Variants in NCAPD3 observed in about 807,000 individuals in gnomAD.
NCAPD3 encodes condensin-2 complex subunit D3.
A neutral mutation model predicts 182.9 loss-of-function variants in NCAPD3; 105 were observed. The ratio of observed to expected loss-of-function variants is 0.57; its 90% CI spans 0.49 to 0.68. NCAPD3 has a LOEUF of 0.68. Ranked by LOEUF, NCAPD3 falls within the 30% of genes least tolerant of loss-of-function variation. The pLI is 0.00. For missense variants in NCAPD3, 1,944 were observed against 1,837.0 expected (o/e 1.06, Z -1.07); for synonymous variants, 815 against 679.9 (o/e 1.20, Z -3.09).
At chr11:134,159,770 G>T in intron 29 of NCAPD3, 122 bp downstream of exon 29, 1 of 1,061,694 alleles carries the variant, frequency 9.4e-7, no homozygotes, top group Non-Finnish European at 1.3e-6. Flanking sequence ...CAGCACTCTC[G>T]AGGCCTTCGG....
intron 7 of NCAPD3, 48 bp from the exon 8 acceptor site, chr11:134,206,780 G>C: frequency 6.3e-7 from 1 of 1,578,606 alleles, no homozygotes; most frequent in Non-Finnish European, 8.6e-7. Context: ...GAGAACACAA[G>C]GGTCTCAGAC....
At chr11:134,200,142 C>T (rs887755360) in intron 13 of NCAPD3, among the ~76,000 whole-genome samples, 1 of 152,056 alleles carries the variant, frequency 6.6e-6, no homozygotes, top group African/African-American at 2.4e-5. Flanking sequence ...AACTATAAAA[C>T]CCTTAGAAGA....
At chr11:134,217,755 A>T (rs544478597) in intron 2 of NCAPD3, among the ~76,000 whole-genome samples, 1 of 152,328 alleles carries the variant, frequency 6.6e-6, no homozygotes, top group South Asian at 2.1e-4. Context: ...AGGCCCACAA[A>T]ATTCAAGTGA....
rs1461369761 is a variant in NCAPD3 at position 134,181,080 on chromosome 11, C to T, written c.2556G>A (p.Leu852=). The change falls in exon 20 of 35, where the codon CTG becomes CTA. Residue 852 remains leucine, a synonymous_variant. Transcript: ENST00000534548. ...ENGTGNMDED[L]LVKYIFTLGD... ...GTTAGGAAAAGCAGTCGCTTACCAA[C>T]AGGTCTTCGTCCATATTCCCTGTTC... 1.2e-6 allele frequency: 2 copies of T among 1,611,148 alleles called. No individual in the cohort carries two copies.
At chr11:134,166,773 TG>T (rs1424687028) in intron 27 of NCAPD3, among the ~76,000 whole-genome samples, 4 of 83,948 alleles carry the variant, frequency 4.8e-5, no homozygotes, top group Non-Finnish European at 9.0e-5. Flanking sequence ...GAGATGAGCT[TG>T]GGGGAGGCGC....
rs759968979 is a variant in NCAPD3, at chr11:134,223,888, G to A, written c.39C>T (p.Pro13=). 5 of 1,612,754 alleles carry A rather than the reference G, an allele frequency of 3.1e-6. No homozygotes were observed. Among genetic ancestry groups the A allele is most frequent in the Non-Finnish European group, 4.2e-6 (5 of 1,179,840 alleles). Residue 13 remains proline, a synonymous_variant, in exon 1 of 35, where the codon CCC becomes CCT. Coordinates refer to ENST00000534548, the MANE Select transcript of NCAPD3 (RefSeq NM_015261.3). ...ALRGLGSGLQ[P]WCPLDLRLEW... ...CGAGTCTAAGATCCAGCGGACACCA[G>A]GGCTGCAGGCCGCTACCAAGGCCCC...
At chr11:134,166,815 A>G (rs1170779283) in intron 27 of NCAPD3, among the ~76,000 whole-genome samples, 1 of 106,522 alleles carries the variant, frequency 9.4e-6, no homozygotes, top group Non-Finnish European at 1.9e-5. Flanking sequence ...GGGGAGCTGC[A>G]CACTCACTTG....
chr11:134,188,903 T>C (rs1944468347), intron 16 of NCAPD3, among the ~76,000 whole-genome samples: 1 of 152,108 alleles, frequency 6.6e-6, no homozygotes, highest in South Asian at 2.1e-4. Context: ...GTGCATGAGG[T>C]CACAGCCAAG....
chr11:134,156,205 C>CT (rs914574053), intron 32 of NCAPD3, among the ~76,000 whole-genome samples: 3 of 152,140 alleles, frequency 2.0e-5, no homozygotes, highest in African/African-American at 4.8e-5. Flanking sequence ...GAGGAGATCT[C>CT]TGACACCTCC....
intron 16 of NCAPD3, among the ~76,000 whole-genome samples, chr11:134,187,471 C>A (rs1360990152): frequency 6.6e-6 from 1 of 152,194 alleles, no homozygotes; most frequent in African/African-American, 2.4e-5. Context: ...ACCTGCCCGA[C>A]TTCTGCTCTC....
In NCAPD3 at chr11:134,153,028, A is replaced by T; in HGVS notation, c.4413T>A (p.Asn1471Lys). ...CTTTATTCCTGGCGGGAGACCGCAC[A>T]TTCCACTGCTGAGGCTGTGGGGGCC... The part of the protein sequence containing the change: ...DKPPPQPQQW[N>K]VRSPARNKDT... Residue 1471 changes from asparagine (N) to lysine (K), a missense_variant, in exon 35 of 35, where the codon AAT becomes AAA. This residue lies in a region of NCAPD3 where 1,803 missense variants were observed against 1,674.6 expected (regional missense o/e 1.08). Coordinates refer to ENST00000534548, the MANE Select transcript of NCAPD3 (RefSeq NM_015261.3). The T allele has an allele frequency of 6.3e-7, 1 of 1,597,812 alleles. No individual in the cohort carries two copies. The highest frequency in any genetic ancestry group is 8.5e-7 in the Non-Finnish European group (1 of 1,169,770).
At chr11:134,164,230 G>A (rs1329323546) in intron 27 of NCAPD3, among the ~76,000 whole-genome samples, 1 of 152,310 alleles carries the variant, frequency 6.6e-6, no homozygotes, top group Admixed American at 6.5e-5. Flanking sequence ...GCCAACAAAA[G>A]CCTCAGCCTG....
chr11:134,200,633 G>A (rs981516496), intron 13 of NCAPD3, among the ~76,000 whole-genome samples: 4 of 152,162 alleles, frequency 2.6e-5, no homozygotes, highest in African/African-American at 4.8e-5. Context: ...TAGCAGGATT[G>A]TAAAATGGTG....
Position 134,191,335 on chromosome 11 carries a change from G to A in NCAPD3, c.2045+1354C>T, listed in dbSNP as rs369282081. Among the ~76,000 whole-genome samples, 12 of 151,860 alleles carry A rather than the reference G, an allele frequency of 7.9e-5. No individual in the cohort carries two copies. The South Asian group carries it at 1.0e-3, about 13-fold the overall frequency. ...AGTAATTTCAGAAAATGTGCAGCAC[G>A]TGAGTTCTGGGCCACTTTTTTTCAA... On this transcript the variant is annotated intron_variant, in intron 16 of 34. Coordinates refer to ENST00000534548, the MANE Select transcript of NCAPD3 (RefSeq NM_015261.3).
At chr11:134,164,853 CATG>C (rs764537923) in intron 27 of NCAPD3, among the ~76,000 whole-genome samples, 3 of 144,068 alleles carry the variant, frequency 2.1e-5, no homozygotes, top group South Asian at 2.2e-4. Flanking sequence ...TCACGTGTGA[CATG>C]AGCTTGAGGG....
At chr11:134,163,584 C>G (rs1020712450) in intron 27 of NCAPD3, among the ~76,000 whole-genome samples, 6 of 151,808 alleles carry the variant, frequency 4.0e-5, no homozygotes, top group Non-Finnish European at 7.4e-5. Flanking sequence ...CCTGTAGTCC[C>G]AGCTACTAGG....
intron 13 of NCAPD3, among the ~76,000 whole-genome samples, chr11:134,197,502 C>T (rs886289794): frequency 6.6e-6 from 1 of 152,134 alleles, no homozygotes; most frequent in African/African-American, 2.4e-5. Flanking sequence ...GTCTCGAACT[C>T]CTGACCTCAA....
intron 27 of NCAPD3, among the ~76,000 whole-genome samples, chr11:134,166,692 CTG>C (rs1330650548): frequency 1.8e-5 from 2 of 113,838 alleles, no homozygotes; most frequent in African/African-American, 3.7e-5. Flanking sequence ...GAGGGGCACA[CTG>C]AGTGAGATGA....
chr11:134,220,543 CTT>C (rs760950304), intron 2 of NCAPD3, 27 bp downstream of exon 2: 1 of 1,593,432 alleles, frequency 6.3e-7, no homozygotes, highest in South Asian at 1.1e-5. Flanking sequence ...TAACACCAAA[CTT>C]TGGCTAGTTT....
Sources: gnomAD v4.1 joint callset for allele counts (sites outside exome capture counted in the v4.1 genomes callset) on GRCh38, gnomAD v4.1.1 for gene constraint, gnomAD v4.1.1 regional missense constraint, MANE v1.5 for transcripts, NCBI Gene and HGNC (gene_info 2026-07-23, HGNC 2026-07-21) for gene names.